CD53: variants seen among roughly 807,000 people sequenced by gnomAD.
CD53 encodes the protein CD53 molecule, also known as leukocyte surface antigen CD53.
In CD53, 20 loss-of-function variants were observed where a neutral mutation model predicts 27.3. The ratio of observed to expected loss-of-function variants is 0.73; its 90% CI spans 0.52 to 1.07. The LOEUF (loss-of-function observed/expected upper bound fraction) is 1.07. CD53 is among the 50% of genes least tolerant of loss of function. CD53 has a pLI of 0.00. For missense variants in CD53, 216 were observed against 264.0 expected, an observed-to-expected ratio of 0.82 and a Z score of 1.26; for synonymous variants, 106 against 105.3, an observed-to-expected ratio of 1.01 and a Z score of -0.04.
chr1:110,883,787 T>C (rs1212671288), intron 1 of CD53, among the ~76,000 whole-genome samples: 4 of 151,996 alleles, frequency 2.6e-5, no homozygotes, highest in African/African-American at 4.8e-5. Flanking sequence ...TGCCTTTCAG[T>C]GAATTCATCT....
upstream of CD53, among the ~76,000 whole-genome samples, chr1:110,872,497 C>G (rs1204271264): frequency 3.3e-5 from 5 of 152,242 alleles, no homozygotes; most frequent in Non-Finnish European, 7.3e-5. Context: ...AAAGCTGGAA[C>G]TGAAACTCAG....
At chr1:110,895,742 A>G (rs1044949932) in intron 5 of CD53, among the ~76,000 whole-genome samples, 1 of 152,150 alleles carries the variant, frequency 6.6e-6, no homozygotes, top group Non-Finnish European at 1.5e-5. Context: ...TTTATTACAT[A>G]ATTTTTAGAA....
At chr1:110,887,929 C>T (rs984855049) in intron 1 of CD53, among the ~76,000 whole-genome samples, 6 of 152,190 alleles carry the variant, frequency 3.9e-5, no homozygotes, top group Admixed American at 1.3e-4. Context: ...TTAAATCAAA[C>T]ATCTCGAAAT....
rs758399992 is a variant in CD53 at position 110,894,407 on chromosome 1, TTA to T, written c.327+9_327+10del. On this transcript the variant is annotated splice_region_variant and intron_variant, in intron 4 of 7. Coordinates refer to ENST00000271324, the MANE Select transcript of CD53 (RefSeq NM_000560.4). ...TCTTTGTATATGAACAGAAGGTAAG[TTA>T]TAAAGACAACAACTTATTGTCTTAA... 169 of 1,608,396 alleles carry T rather than the reference TTA, an allele frequency of 1.1e-4. No homozygotes were observed. The highest frequency in any genetic ancestry group is 1.4e-4 in the Non-Finnish European group (162 of 1,174,894).
intron 1 of CD53, among the ~76,000 whole-genome samples, chr1:110,890,294 C>A (rs911402894): frequency 6.6e-6 from 1 of 152,094 alleles, no homozygotes; most frequent in South Asian, 2.1e-4. Context: ...TGGCCAGGTG[C>A]GGTAGCTCAT....
At chr1:110,877,795 G>C (rs1231376292) in intron 1 of CD53, among the ~76,000 whole-genome samples, 1 of 152,200 alleles carries the variant, frequency 6.6e-6, no homozygotes, top group African/African-American at 2.4e-5. Flanking sequence ...CATGAGAGTT[G>C]ATGCTTTGGC....
rs768034243 is a variant in CD53 at position 110,897,820 on chromosome 1, G to A, written c.516G>A (p.Ala172=). Residue 172 remains alanine (A), a synonymous_variant, in exon 7 of 8, where the codon GCG becomes GCA. Transcript: ENST00000271324. ...PSDRKVEGCY[A]KARLWFHSNF... The stretch of plus-strand genomic sequence containing the variant: ...GAAATGTCTTCTAGGGTTGCTATGC[G>A]AAAGCAAGACTGTGGTTTCATTCCA... The A allele has an allele frequency of 1.6e-5, 26 of 1,607,008 alleles. No homozygotes were observed. Among genetic ancestry groups the A allele is most frequent in the South Asian group, 8.8e-5 (8 of 90,802 alleles).
chr1:110,886,862 T>TAC (rs1656627552), intron 1 of CD53, among the ~76,000 whole-genome samples: 2 of 77,018 alleles, frequency 2.6e-5, no homozygotes, highest in Non-Finnish European at 5.8e-5. Context: ...TATATATATA[T>TAC]ATATATATTT....
chr1:110,889,314 T>A (rs1450377939), intron 1 of CD53, among the ~76,000 whole-genome samples: 1 of 151,780 alleles, frequency 6.6e-6, no homozygotes, highest in African/African-American at 2.4e-5. Context: ...CCCAACACTT[T>A]GGGAGGCTGA....
chr1:110,893,798 G>C lies in CD53; in HGVS notation c.253-529G>C, dbSNP rs1656949890. Among the ~76,000 whole-genome samples, 3 of 152,222 alleles carry C rather than the reference G, an allele frequency of 2.0e-5. No homozygotes were observed. In the South Asian group the frequency reaches 6.2e-4, roughly 32 times the overall value. On this transcript the variant is annotated intron_variant, in intron 3 of 7. Coordinates refer to ENST00000271324, the MANE Select transcript of CD53 (RefSeq NM_000560.4). ...AAAAAAGGTGAAGGAGAAGGAATAA[G>C]TGAAAATGTTTTCTGTTGTGTGTTA... is the stretch of plus-strand genomic sequence containing the variant.
chr1:110,896,809 G>T, intron 6 of CD53, 76 bp downstream of exon 6: 1 of 1,260,266 alleles, frequency 7.9e-7, no homozygotes, highest in Non-Finnish European at 1.1e-6. Flanking sequence ...TGCAGTCATA[G>T]AGGACCTAGA....
chr1:110,889,723 G>C (rs1410551077), intron 1 of CD53, among the ~76,000 whole-genome samples: 1 of 152,088 alleles, frequency 6.6e-6, no homozygotes, highest in Non-Finnish European at 1.5e-5. Context: ...GGAAGAAATT[G>C]TGACTGGAAC....
At chr1:110,886,489 C>T (rs1317912226) in intron 1 of CD53, among the ~76,000 whole-genome samples, 1 of 152,008 alleles carries the variant, frequency 6.6e-6, no homozygotes, top group Admixed American at 6.6e-5. Context: ...TTAGAGACTC[C>T]AGTGACATGT....
At chr1:110,879,108 C>T (rs180840830) in intron 1 of CD53, among the ~76,000 whole-genome samples, 4 of 151,924 alleles carry the variant, frequency 2.6e-5, no homozygotes, top group Admixed American at 1.3e-4. Flanking sequence ...ATTCTTGCCC[C>T]GTGTATGTTT....
chr1:110,888,205 A>G (rs1168999600), intron 1 of CD53, among the ~76,000 whole-genome samples: 2 of 152,216 alleles, frequency 1.3e-5, no homozygotes, highest in Admixed American at 1.3e-4. Context: ...CTGTAAAATA[A>G]TAAATTTGCG....
intron 3 of CD53, among the ~76,000 whole-genome samples, chr1:110,893,900 C>A (rs1400558313): frequency 6.6e-6 from 1 of 152,154 alleles, no homozygotes; most frequent in African/African-American, 2.4e-5. Context: ...TTCTTTCTAC[C>A]ATTGTACAGG....
At chr1:110,896,767 T>C in intron 6 of CD53, 34 bp downstream of exon 6, 6 of 1,570,558 alleles carry the variant, frequency 3.8e-6, no homozygotes, top group Non-Finnish European at 4.4e-6. Flanking sequence ...GTTATTGACC[T>C]CTTTGTTTAA....
At chr1:110,896,365 G>A (rs1657062030) in intron 5 of CD53, among the ~76,000 whole-genome samples, 2 of 152,164 alleles carry the variant, frequency 1.3e-5, no homozygotes, top group African/African-American at 2.4e-5. Flanking sequence ...GGGTCCAGGG[G>A]TGGTCAGCCT....
intron 1 of CD53, among the ~76,000 whole-genome samples, chr1:110,888,005 G>A (rs534326788): frequency 5.3e-5 from 8 of 152,268 alleles, no homozygotes; most frequent in African/African-American, 1.9e-4. Flanking sequence ...TAAGAATGAA[G>A]CAGGAGATAA....
Sources: gnomAD v4.1 joint callset for allele counts (sites outside exome capture counted in the v4.1 genomes callset) on GRCh38, gnomAD v4.1.1 for gene constraint, MANE v1.5 for transcripts, NCBI Gene and HGNC (gene_info 2026-07-23, HGNC 2026-07-21) for gene names.